Variants in CTNNA2 observed in about 807,000 individuals in gnomAD.
CTNNA2 encodes catenin alpha-2.
A neutral mutation model predicts 101.0 loss-of-function variants in CTNNA2; 42 were observed. The ratio of observed to expected loss-of-function variants is 0.42; its 90% CI spans 0.32 to 0.54. The LOEUF (loss-of-function observed/expected upper bound fraction) is 0.54. Among genes scored for constraint, CTNNA2 ranks in the 20% least tolerant of loss-of-function variants. CTNNA2 has a pLI of 0.14. For missense variants in CTNNA2, 871 were observed against 1,223.1 expected (o/e 0.71, Z 4.29); for synonymous variants, 450 against 456.4 (o/e 0.99, Z 0.18).
At chr2:79,835,675 T>G (rs931848046) in intron 3 of CTNNA2, among the ~76,000 whole-genome samples, 7 of 32,432 alleles carry the variant, frequency 2.2e-4, no homozygotes, top group South Asian at 1.2e-3. Flanking sequence ...TGTTTTTTTT[T>G]TTTTTTTTTT....
intron 1 of CTNNA2, among the ~76,000 whole-genome samples, chr2:79,574,992 T>C (rs1307181769): frequency 6.6e-6 from 1 of 152,178 alleles, no homozygotes; most frequent in Non-Finnish European, 1.5e-5. Flanking sequence ...TTCATATGCT[T>C]GTTGGTTTCG....
rs551325950 is a variant in CTNNA2, at chr2:79,842,177, G to T, written c.299-15836G>T. 2.0e-5 allele frequency among the ~76,000 whole-genome samples: 3 copies of T among 152,112 alleles called. No homozygotes were observed. The South Asian group carries it at 6.2e-4, about 32-fold the overall frequency. ...GGCATTGGTGTTTTAACTATGTCTT[G>T]GTATATTTTTACTATTTTTGTTGGC... is the stretch of plus-strand genomic sequence containing the variant. On this transcript the variant is annotated intron_variant, in intron 3 of 18. Transcript: ENST00000402739.
intron 7 of CTNNA2, among the ~76,000 whole-genome samples, chr2:80,021,767 A>G (rs1395589716): frequency 6.6e-6 from 1 of 152,136 alleles, no homozygotes; most frequent in African/African-American, 2.4e-5. Flanking sequence ...ATTTTCAAGT[A>G]TACAATACAT....
At chr2:80,636,761 G>A (rs1672927405) in intron 18 of CTNNA2, among the ~76,000 whole-genome samples, 1 of 152,054 alleles carries the variant, frequency 6.6e-6, no homozygotes, top group African/African-American at 2.4e-5. Context: ...AGGCTAGATT[G>A]CCTTTCCTAC....
intron 7 of CTNNA2, among the ~76,000 whole-genome samples, chr2:79,930,330 AAGAAAGAAAGAAAG>A (rs1687347921): frequency 2.0e-5 from 3 of 148,508 alleles, no homozygotes; most frequent in African/African-American, 5.0e-5. Context: ...GAAAGAAAGA[AAGAAAGAAAGAAAG>A]AAAGAAAGAA....
At chr2:80,306,395 TTTTCTTTTC>T (rs796452188) in intron 7 of CTNNA2, among the ~76,000 whole-genome samples, 3,674 of 134,290 alleles carry the variant, frequency 0.027, 85 homozygotes, top group African/African-American at 0.078. Context: ...TTTTCTTTTC[TTTTCTTTTC>T]TTTCTTTCTT....
At chr2:79,262,724 C>G (rs1674939613) in intron 2 of CTNNA2, among the ~76,000 whole-genome samples, 1 of 152,140 alleles carries the variant, frequency 6.6e-6, no homozygotes, top group Non-Finnish European at 1.5e-5. Flanking sequence ...AACAAGCCCT[C>G]CAGGTGATTC....
intron 2 of CTNNA2, among the ~76,000 whole-genome samples, chr2:79,217,434 C>T (rs933238905): frequency 6.6e-6 from 1 of 151,498 alleles, no homozygotes; most frequent in Non-Finnish European, 1.5e-5. Context: ...AGAGGTGGGG[C>T]CGTTTTATAA....
intron 1 of CTNNA2, among the ~76,000 whole-genome samples, chr2:79,631,818 A>C (rs1462546356): frequency 1.3e-5 from 2 of 152,154 alleles, no homozygotes; most frequent in Non-Finnish European, 2.9e-5. Context: ...CCACTGCCTT[A>C]CTGAAGCATG....
At chr2:79,892,241 T>G (rs1684361887) in intron 6 of CTNNA2, among the ~76,000 whole-genome samples, 1 of 152,178 alleles carries the variant, frequency 6.6e-6, no homozygotes, top group South Asian at 2.1e-4. Flanking sequence ...CCAGAGCTCC[T>G]GTAAGCTTGC....
chr2:80,051,025 C>T (rs890944367), intron 7 of CTNNA2, among the ~76,000 whole-genome samples: 4 of 152,106 alleles, frequency 2.6e-5, no homozygotes, highest in African/African-American at 9.7e-5. Context: ...GACACCTAGC[C>T]GAGACTTCTG....
At chr2:79,884,751 C>CTTTTTT (rs375184305) in intron 6 of CTNNA2, among the ~76,000 whole-genome samples, 5 of 138,406 alleles carry the variant, frequency 3.6e-5, no homozygotes, top group Non-Finnish European at 6.1e-5. Context: ...TTTAAATATG[C>CTTTTTT]TTTTTTTTTT....
chr2:80,028,028 T>C (rs369182467), intron 7 of CTNNA2: 1 of 149,800 alleles, frequency 6.7e-6, no homozygotes, highest in Non-Finnish European at 1.5e-5. Flanking sequence ...AAATACAGAT[T>C]TATTTAGTAA....
intron 7 of CTNNA2, among the ~76,000 whole-genome samples, chr2:79,961,928 C>T (rs537860540): frequency 6.0e-5 from 9 of 150,926 alleles, no homozygotes; most frequent in Non-Finnish European, 1.0e-4. Flanking sequence ...ATTTTTAATT[C>T]ATCCAGATAA....
chr2:79,469,199 C>A (rs1670971708), intron 4 of CTNNA2, among the ~76,000 whole-genome samples: 1 of 152,130 alleles, frequency 6.6e-6, no homozygotes, highest in African/African-American at 2.4e-5. Context: ...AAGAGGATAT[C>A]ACCTCTGATC....
intron 3 of CTNNA2, among the ~76,000 whole-genome samples, chr2:79,845,367 G>T (rs1261015409): frequency 6.6e-6 from 1 of 151,746 alleles, no homozygotes; most frequent in Non-Finnish European, 1.5e-5. Context: ...CTTAATAAAT[G>T]CTTATTGAAT....
At chr2:80,533,737 T>C (rs973744148) in intron 9 of CTNNA2, among the ~76,000 whole-genome samples, 1 of 152,182 alleles carries the variant, frequency 6.6e-6, no homozygotes, top group Non-Finnish European at 1.5e-5. Context: ...TTACATGAGA[T>C]GCTGAAAACT....
chr2:80,199,466 A>G (rs999558669), intron 7 of CTNNA2, among the ~76,000 whole-genome samples: 8 of 152,200 alleles, frequency 5.3e-5, no homozygotes, highest in African/African-American at 1.9e-4. Flanking sequence ...TGAATATTTC[A>G]GCCAAAAGAA....
chr2:79,736,361 G>A (rs189531721), intron 2 of CTNNA2, among the ~76,000 whole-genome samples: 1 of 152,256 alleles, frequency 6.6e-6, no homozygotes, highest in Admixed American at 6.5e-5. Context: ...AATAAATCAG[G>A]TGGTTCAAGG....
Sources: gnomAD v4.1 joint callset for allele counts (sites outside exome capture counted in the v4.1 genomes callset) on GRCh38, gnomAD v4.1.1 for gene constraint, MANE v1.5 for transcripts, NCBI Gene and HGNC (gene_info 2026-07-23, HGNC 2026-07-21) for gene names.